Variants in DOCK5 observed in about 807,000 individuals in gnomAD.
The protein encoded by DOCK5 is dedicator of cytokinesis protein 5.
Under a neutral mutation model 251.8 loss-of-function variants are expected in DOCK5, and 142 were observed. The ratio of observed to expected loss-of-function variants is 0.56; its 90% confidence interval spans 0.49 to 0.65. The LOEUF (loss-of-function observed/expected upper bound fraction) is 0.65. Ranked by LOEUF, DOCK5 falls within the 30% of genes least tolerant of loss-of-function variation. The pLI is 0.00. For missense variants in DOCK5, 2,111 were observed against 2,312.3 expected (o/e 0.91, Z 1.79); for synonymous variants, 842 against 835.5 (o/e 1.01, Z -0.13).
chr8:25,306,715 A>G (rs1266837141), intron 11 of DOCK5, among the ~76,000 whole-genome samples: 1 of 152,064 alleles, frequency 6.6e-6, no homozygotes, highest in African/African-American at 2.4e-5. Flanking sequence ...AATAAATAAA[A>G]TAAAATAAAT....
At chr8:25,291,961 G>A (rs2117151382) in intron 5 of DOCK5, 63 bp from the exon 6 acceptor site, 16 of 1,411,574 alleles carry the variant, frequency 1.1e-5, no homozygotes, top group South Asian at 1.4e-5. Flanking sequence ...AAAAAAGGAT[G>A]TTCCCATCCT....
rs777838021 is a variant in DOCK5, at chr8:25,403,588, C to G, written c.4957C>G (p.Arg1653Gly). 6.2e-7 allele frequency: 1 copy of G among 1,613,866 alleles called. No individual in the cohort carries two copies. ...CAACTTGACGGAGAGGAAGCAAAGC[C>G]GCACGGGGTCTATTGTGCTCCCCTA... ...PPNLTERKQS[R>G]TGSIVLPYIM... The change falls in exon 48 of 52, where the codon CGC (arginine) becomes GGC (glycine). Residue 1653 changes from arginine to glycine, a missense_variant. Around this residue, in one of 3 missense-constraint regions of DOCK5, gnomAD observed 1,717 missense variants for 1,892.4 expected, o/e 0.91. Transcript: ENST00000276440.
chr8:25,282,027 G>A (rs1031019250), intron 5 of DOCK5, among the ~76,000 whole-genome samples: 20 of 152,002 alleles, frequency 1.3e-4, no homozygotes, highest in African/African-American at 4.6e-4. Flanking sequence ...TTGACTAAAA[G>A]ACATTCTTTG....
intron 2 of DOCK5, among the ~76,000 whole-genome samples, chr8:25,250,908 T>A (rs1803251943): frequency 6.6e-6 from 1 of 152,202 alleles, no homozygotes; most frequent in Non-Finnish European, 1.5e-5. Context: ...TGCAGCTGTC[T>A]TTGTGACAAG....
chr8:25,408,466 AT>A (rs1390631953), intron 49 of DOCK5, among the ~76,000 whole-genome samples: 2 of 152,112 alleles, frequency 1.3e-5, no homozygotes, highest in Admixed American at 6.5e-5. Flanking sequence ...CTCTTCTTTA[AT>A]TTTTTTAAAA....
chr8:25,332,419 G>T, intron 19 of DOCK5, 71 bp downstream of exon 19: 1 of 1,282,908 alleles, frequency 7.8e-7, no homozygotes, highest in Non-Finnish European at 1.1e-6. Flanking sequence ...ATACCTAATT[G>T]GTTCACCATT....
intron 25 of DOCK5, chr8:25,345,272 T>A: frequency 2.4e-6 from 1 of 413,424 alleles, no homozygotes; most frequent in Non-Finnish European, 4.2e-6. Flanking sequence ...TTTTTTTAAT[T>A]CATTCATCTG....
chr8:25,404,098 C>T (rs922860606), intron 48 of DOCK5, among the ~76,000 whole-genome samples: 2 of 152,160 alleles, frequency 1.3e-5, no homozygotes, highest in Non-Finnish European at 2.9e-5. Flanking sequence ...CTTCCCACTA[C>T]AGTAGAAGCC....
intron 5 of DOCK5, among the ~76,000 whole-genome samples, chr8:25,281,772 G>A (rs760877471): frequency 3.3e-5 from 5 of 151,468 alleles, no homozygotes; most frequent in South Asian, 4.2e-4. Flanking sequence ...CCAGCTACTC[G>A]GGAGGCTGAG....
At chr8:25,402,523 C>T (rs1801456592) in intron 47 of DOCK5, among the ~76,000 whole-genome samples, 1 of 152,136 alleles carries the variant, frequency 6.6e-6, no homozygotes, top group Non-Finnish European at 1.5e-5. Flanking sequence ...GTCTCAATCT[C>T]CTGACCTTGT....
intron 1 of DOCK5, among the ~76,000 whole-genome samples, chr8:25,200,213 T>C (rs1801847437): frequency 6.6e-6 from 1 of 152,258 alleles, no homozygotes; most frequent in Admixed American, 6.5e-5. Context: ...ACCTCTATCA[T>C]GTATTGATTA....
chr8:25,312,721 C>T (rs1050262863), intron 13 of DOCK5, among the ~76,000 whole-genome samples: 1 of 147,346 alleles, frequency 6.8e-6, no homozygotes, highest in Non-Finnish European at 1.5e-5. Flanking sequence ...TGAGATTGCA[C>T]CACCGCGCTC....
intron 27 of DOCK5, 75 bp downstream of exon 27, chr8:25,351,901 GC>G: frequency 1.6e-6 from 2 of 1,216,460 alleles, no homozygotes; most frequent in Non-Finnish European, 1.2e-6. Context: ...GGCCTTCGGG[GC>G]CAGTGGCTTG....
intron 1 of DOCK5, among the ~76,000 whole-genome samples, chr8:25,234,119 CT>C (rs2117526050): frequency 6.6e-6 from 1 of 152,312 alleles, no homozygotes; most frequent in South Asian, 2.1e-4. Context: ...AAAGTAATGA[CT>C]TGTGTAGCCT....
intron 1 of DOCK5, among the ~76,000 whole-genome samples, chr8:25,236,113 A>G (rs540959203): frequency 2.6e-5 from 4 of 152,234 alleles, no homozygotes; most frequent in African/African-American, 9.6e-5. Context: ...AGAGATTTCT[A>G]AATAGTAATC....
At chr8:25,198,175 G>GTAT (rs1240770828) in intron 1 of DOCK5, among the ~76,000 whole-genome samples, 1 of 152,190 alleles carries the variant, frequency 6.6e-6, no homozygotes, top group Non-Finnish European at 1.5e-5. Flanking sequence ...TTTGTTACCT[G>GTAT]TATACCTGCA....
At chr8:25,386,547 G>A (rs776999089) in intron 40 of DOCK5, among the ~76,000 whole-genome samples, 1 of 152,198 alleles carries the variant, frequency 6.6e-6, no homozygotes, top group Non-Finnish European at 1.5e-5. Flanking sequence ...ACAGTGAGCT[G>A]TGATCAAGCC....
rs199633921 is a variant in DOCK5, at chr8:25,377,413, G to A, written c.3925G>A (p.Asp1309Asn). 73 of 1,613,248 alleles carry A rather than the reference G, an allele frequency of 4.5e-5. No individual in the cohort carries two copies. The highest frequency in any genetic ancestry group is 1.2e-4 in the African/African-American group (9 of 74,852). ...GTATCAAGAAATCATATCATATTTC[G>A]ACAAAGGCAAAGTGAGTATTGGATT... is the stretch of plus-strand genomic sequence containing the variant. Reference protein sequence around the residue: ...KLYQEIISYFDKGKMWEKAIK... With the variant: ...KLYQEIISYFNKGKMWEKAIK... Residue 1309 changes from aspartate to asparagine, a missense_variant, in exon 38 of 52, where the codon GAC becomes AAC. Physicochemically the swap from Asp to Asn is conservative, Grantham distance 23. Transcript: ENST00000276440.
Position 25,374,948 on chromosome 8 carries a change from T to A in DOCK5, c.3816+294T>A, listed in dbSNP as rs1326950218. Reference sequence around the variant, plus strand: ...ACACATTGATGAATACATAAAAAAATTTGTAAAACTGCAGAAAACTGCAGA... The same window carrying A: ...ACACATTGATGAATACATAAAAAAAATTGTAAAACTGCAGAAAACTGCAGA... On this transcript the variant is annotated intron_variant, in intron 37 of 51. Coordinates refer to ENST00000276440, the MANE Select transcript of DOCK5 (RefSeq NM_024940.8). 8 of 1,230,300 alleles carry A rather than the reference T, an allele frequency of 6.5e-6. No homozygotes were observed. The South Asian group carries it at 8.1e-5, about 13-fold the overall frequency. The allele number at this position is 1,230,300 out of a possible 1,614,324, so 76.2% of individuals were successfully genotyped here.
Sources: gnomAD v4.1 joint callset for allele counts (sites outside exome capture counted in the v4.1 genomes callset) on GRCh38, gnomAD v4.1.1 for gene constraint, gnomAD v4.1.1 regional missense constraint, MANE v1.5 for transcripts, NCBI Gene and HGNC (gene_info 2026-07-23, HGNC 2026-07-21) for gene names.